The following EYS variants were observed in gnomAD, a reference collection of about 807,000 sequenced individuals.
EYS encodes protein eyes shut homolog.
Under a neutral mutation model 282.1 loss-of-function variants are expected in EYS, and 250 were observed. That is an observed-to-expected ratio of 0.89 (90% confidence interval 0.80 to 0.98). The LOEUF (loss-of-function observed/expected upper bound fraction) is 0.98. Among genes scored for constraint, EYS ranks in the 50% least tolerant of loss-of-function variants. The pLI, the probability that EYS is intolerant of heterozygous loss-of-function variation, is 0.00. For synonymous variants in EYS, 1,355 were observed against 1,282.9 expected, an observed-to-expected ratio of 1.06 and a Z score of -1.20; for missense variants, 4,016 against 3,709.0, an observed-to-expected ratio of 1.08 and a Z score of -2.15.
At chr6:65,060,776 A>G (rs1300757020) in intron 12 of EYS, among the ~76,000 whole-genome samples, 2 of 119,776 alleles carry the variant, frequency 1.7e-5, no homozygotes, top group Non-Finnish European at 3.3e-5. Flanking sequence ...ATGTGTATAT[A>G]TATGTGTATA....
chr6:64,198,123 G>A (rs1440915426), intron 31 of EYS, among the ~76,000 whole-genome samples: 3 of 151,460 alleles, frequency 2.0e-5, no homozygotes, highest in Non-Finnish European at 2.9e-5. Context: ...CTCCCAAGTA[G>A]CCGGGACTAC....
intron 2 of EYS, among the ~76,000 whole-genome samples, chr6:65,526,531 C>T (rs1767569705): frequency 6.6e-6 from 1 of 152,148 alleles, no homozygotes; most frequent in Admixed American, 6.5e-5. Flanking sequence ...ATTCAAAAGG[C>T]TGCTTGGCTC....
At chr6:64,951,774 A>G (rs968782170) in intron 14 of EYS, among the ~76,000 whole-genome samples, 2 of 151,924 alleles carry the variant, frequency 1.3e-5, no homozygotes, top group African/African-American at 4.8e-5. Context: ...AAAGATATAC[A>G]GATTGAAATA....
At chr6:64,451,391 C>T (rs1405012900) in intron 26 of EYS, among the ~76,000 whole-genome samples, 1 of 152,102 alleles carries the variant, frequency 6.6e-6, no homozygotes, top group Non-Finnish European at 1.5e-5. Context: ...AAAAAAAGTG[C>T]AGGACCAGAT....
At chr6:65,026,478 C>T (rs1772411320) in intron 13 of EYS, among the ~76,000 whole-genome samples, 1 of 152,060 alleles carries the variant, frequency 6.6e-6, no homozygotes, top group African/African-American at 2.4e-5. Context: ...TGTAGGAAGG[C>T]ATTTATGCAC....
chr6:63,788,878 C>T (rs780478772), intron 38 of EYS, among the ~76,000 whole-genome samples, 180 bp downstream of exon 38: 2 of 152,142 alleles, frequency 1.3e-5, no homozygotes, highest in Non-Finnish European at 2.9e-5. Context: ...TTAGTAATCC[C>T]TCTTATTTGT....
chr6:65,564,164 G>A (rs961058517), intron 2 of EYS, among the ~76,000 whole-genome samples: 2 of 151,966 alleles, frequency 1.3e-5, no homozygotes, highest in African/African-American at 2.4e-5. Context: ...TCATAGATAG[G>A]AATAACCAAT....
intron 12 of EYS, among the ~76,000 whole-genome samples, chr6:65,201,393 T>C (rs1765897011): frequency 6.6e-6 from 1 of 152,192 alleles, no homozygotes; most frequent in African/African-American, 2.4e-5. Flanking sequence ...ATGCCTGATA[T>C]ATTTTAATAA....
At chr6:65,442,789 A>C (rs372074250) in intron 5 of EYS, among the ~76,000 whole-genome samples, 1 of 105,222 alleles carries the variant, frequency 9.5e-6, no homozygotes, top group African/African-American at 2.6e-5. Flanking sequence ...ATTAAAAAAA[A>C]ATATATAGAC....
intron 13 of EYS, among the ~76,000 whole-genome samples, chr6:65,057,130 A>C (rs1773440428): frequency 6.6e-6 from 1 of 152,020 alleles, no homozygotes; most frequent in African/African-American, 2.4e-5. Context: ...ATATTAACAT[A>C]TTTATAAGGC....
At chr6:64,101,772 T>G (rs1772836515) in intron 31 of EYS, among the ~76,000 whole-genome samples, 1 of 152,052 alleles carries the variant, frequency 6.6e-6, no homozygotes, top group South Asian at 2.1e-4. Context: ...TTTCTATTAT[T>G]ATTACATTGT....
At chr6:65,176,078 G>A (rs1765216091) in intron 12 of EYS, among the ~76,000 whole-genome samples, 1 of 151,376 alleles carries the variant, frequency 6.6e-6, no homozygotes, top group African/African-American at 2.4e-5. Flanking sequence ...GTGTTTGTAT[G>A]TGTGTGTGTG....
At chr6:64,424,060 T>C (rs1359818104) in intron 28 of EYS, among the ~76,000 whole-genome samples, 1 of 151,560 alleles carries the variant, frequency 6.6e-6, no homozygotes, top group Non-Finnish European at 1.5e-5. Context: ...GTTTCCATTT[T>C]AGTGAGAAAG....
intron 32 of EYS, among the ~76,000 whole-genome samples, chr6:64,080,622 G>T (rs1359634170): frequency 6.6e-6 from 1 of 152,030 alleles, no homozygotes; most frequent in Non-Finnish European, 1.5e-5. Context: ...TAGACATGAA[G>T]TCCTTGCCCC....
chr6:64,587,109 A>G (rs1766257308), intron 26 of EYS, among the ~76,000 whole-genome samples: 1 of 152,122 alleles, frequency 6.6e-6, no homozygotes, highest in Non-Finnish European at 1.5e-5. Flanking sequence ...AAAAGTACAC[A>G]AAACTCAAAG....
Position 64,530,757 on chromosome 6 carries a change from G to A in EYS, c.5644+59466C>T, listed in dbSNP as rs117533542. ...AAAACATCTCCTGGCTAGGGAGGAA[G>A]GAATCTAAAAATGTCTCATTAAAAT... On this transcript the variant is annotated intron_variant, in intron 26 of 42. Coordinates refer to ENST00000503581, the MANE Select transcript of EYS (RefSeq NM_001142800.2). Among the ~76,000 whole-genome samples the A allele has an allele frequency of 9.9e-5, 15 of 152,028 alleles. No individual in the cohort carries two copies. In the East Asian group the frequency reaches 2.9e-3, roughly 29 times the overall value.
rs1158171525 is a variant in EYS at position 64,593,180 on chromosome 6, T to C, written c.3814A>G (p.Ser1272Gly). 1 of 1,549,902 alleles carries C rather than the reference T, an allele frequency of 6.5e-7. No homozygotes were observed. The highest frequency in any genetic ancestry group is 8.7e-7 in the Non-Finnish European group (1 of 1,146,198). ...TIPPSETLVS[S>G]FPSIKATRIP... ...CTAGTAGCCTTTATAGATGGAAAGCTGCTGACCAAAGTCTCAGAAGGGGGA... is the reference window on the plus strand; with the variant it reads ...CTAGTAGCCTTTATAGATGGAAAGCCGCTGACCAAAGTCTCAGAAGGGGGA... The change falls in exon 25 of 43, where the codon AGC (serine) becomes GGC (glycine). Residue 1272 changes from serine to glycine, a missense_variant. Coordinates refer to ENST00000503581, the MANE Select transcript of EYS (RefSeq NM_001142800.2).
chr6:63,968,186 T>C (rs1486218611), intron 35 of EYS, among the ~76,000 whole-genome samples: 1 of 152,258 alleles, frequency 6.6e-6, no homozygotes, highest in East Asian at 1.9e-4. Flanking sequence ...TAATTTGACA[T>C]TTATCTGCTT....
chr6:64,381,695 C>T (rs530195593), intron 29 of EYS, among the ~76,000 whole-genome samples: 1 of 152,256 alleles, frequency 6.6e-6, no homozygotes, highest in East Asian at 1.9e-4. Flanking sequence ...TTCACCTAAA[C>T]AGGAAAATTT....
Sources: allele counts gnomAD v4.1 joint callset (sites outside exome capture counted in the v4.1 genomes callset), GRCh38; gene constraint gnomAD v4.1.1; transcripts MANE v1.5; gene names NCBI Gene and HGNC (gene_info 2026-07-23, HGNC 2026-07-21).